The following FHOD3 variants were observed in gnomAD, a reference collection of about 807,000 sequenced individuals.
FHOD3 encodes the protein formin homology 2 domain containing 3, also known as FH1/FH2 domain-containing protein 3.
Under a neutral mutation model 173.0 loss-of-function variants are expected in FHOD3, and 90 were observed. The ratio of observed to expected loss-of-function variants is 0.52; its 90% CI spans 0.44 to 0.62. The LOEUF (loss-of-function observed/expected upper bound fraction) is 0.62, where lower values mean the gene tolerates loss of function less well. FHOD3 is among the 20% of genes least tolerant of loss of function. The pLI is 0.00. For synonymous variants in FHOD3, 828 were observed against 823.0 expected, an observed-to-expected ratio of 1.01 and a Z score of -0.10; for missense variants, 1,945 against 2,034.7, an observed-to-expected ratio of 0.96 and a Z score of 0.85.
intron 28 of FHOD3, among the ~76,000 whole-genome samples, chr18:36,777,471 G>T (rs962649845): frequency 4.6e-5 from 7 of 152,132 alleles, no homozygotes; most frequent in African/African-American, 9.7e-5. Context: ...GGGATTACAG[G>T]TGTGAGCCAC....
At chr18:36,692,537 C>G (rs1275268839) in intron 16 of FHOD3, among the ~76,000 whole-genome samples, 1 of 152,166 alleles carries the variant, frequency 6.6e-6, no homozygotes, top group African/African-American at 2.4e-5. Context: ...TTCTGCCTGC[C>G]TGAAATGCAA....
chr18:36,524,658 A>G (rs1201606329), intron 5 of FHOD3, among the ~76,000 whole-genome samples: 1 of 152,130 alleles, frequency 6.6e-6, no homozygotes, highest in Non-Finnish European at 1.5e-5. Context: ...CCATGTGTGC[A>G]TCCTGCTGGT....
chr18:36,526,274 T>G (rs1568384647), intron 5 of FHOD3, among the ~76,000 whole-genome samples: 1 of 106,062 alleles, frequency 9.4e-6, no homozygotes, highest in Non-Finnish European at 2.1e-5. Context: ...AATCCTGAAA[T>G]CATTCTTTTT....
intron 5 of FHOD3, among the ~76,000 whole-genome samples, chr18:36,530,495 A>G (rs773659244): frequency 3.3e-5 from 5 of 152,190 alleles, no homozygotes; most frequent in African/African-American, 4.8e-5. Flanking sequence ...TGTTGAGAGA[A>G]TGAGTGAGTG....
chr18:36,343,102 C>T (rs2670670), intron 1 of FHOD3, among the ~76,000 whole-genome samples: 49,575 of 152,076 alleles, frequency 0.33, 9,867 homozygotes, highest in Non-Finnish European at 0.46. Flanking sequence ...CTTTGGAAGA[C>T]GGTCTGACAT....
intron 3 of FHOD3, among the ~76,000 whole-genome samples, chr18:36,465,796 T>C (rs1409993770): frequency 6.6e-6 from 1 of 152,126 alleles, no homozygotes; most frequent in East Asian, 1.9e-4. Flanking sequence ...TTTGTACTGC[T>C]TGCCATGAGG....
intron 14 of FHOD3, among the ~76,000 whole-genome samples, chr18:36,673,089 C>G (rs1450904527): frequency 6.6e-6 from 1 of 152,160 alleles, no homozygotes; most frequent in East Asian, 1.9e-4. Context: ...CTGTCATTGA[C>G]AGAAAATCTC....
intron 4 of FHOD3, among the ~76,000 whole-genome samples, chr18:36,509,320 G>T (rs780093340): frequency 1.3e-5 from 2 of 151,646 alleles, no homozygotes; most frequent in African/African-American, 4.9e-5. Context: ...CCAGCTACTC[G>T]GGAGGCTGAG....
intron 25 of FHOD3, 91 bp from the exon 26 acceptor site, chr18:36,759,027 T>G: frequency 2.8e-5 from 38 of 1,372,044 alleles, no homozygotes; most frequent in Non-Finnish European, 3.4e-5. Flanking sequence ...GAATTTTATG[T>G]GACATTGCGA....
intron 3 of FHOD3, among the ~76,000 whole-genome samples, chr18:36,411,680 G>A (rs890020296): frequency 6.6e-5 from 10 of 152,186 alleles, no homozygotes; most frequent in Non-Finnish European, 1.3e-4. Flanking sequence ...GATCCTGTGG[G>A]TTTATCTCCA....
In FHOD3 at chr18:36,764,828, A is replaced by G. The variant is rs538719579; in HGVS notation, c.4624+4046A>G. Among the ~76,000 whole-genome samples, 16 of 152,262 alleles carry G rather than the reference A, an allele frequency of 1.1e-4. No homozygotes were observed. In the South Asian group the frequency reaches 2.7e-3, roughly 26 times the overall value. On this transcript the variant is annotated intron_variant, in intron 27 of 28. Transcript: ENST00000590592. ...GGCAAGCCACCCACCTGCTACAACA[A>G]CTAGAAGTAAAAATAATAAAGCCTT...
intron 8 of FHOD3, among the ~76,000 whole-genome samples, chr18:36,606,305 G>A (rs1382142017): frequency 1.3e-5 from 2 of 152,076 alleles, no homozygotes; most frequent in East Asian, 3.9e-4. Flanking sequence ...AAAGTATCAA[G>A]GTACTGGCAT....
chr18:36,735,289 G>A (rs2041573792), intron 20 of FHOD3, among the ~76,000 whole-genome samples: 1 of 152,162 alleles, frequency 6.6e-6, no homozygotes. Context: ...GTCCACAGGT[G>A]CCCAGCTGCG....
chr18:36,527,695 C>T (rs1310119185), intron 5 of FHOD3, among the ~76,000 whole-genome samples: 2 of 152,090 alleles, frequency 1.3e-5, no homozygotes, highest in Non-Finnish European at 1.5e-5. Flanking sequence ...TGGGGAGGTT[C>T]GTGAACCTGG....
chr18:36,686,207 G>T (rs914431322), intron 15 of FHOD3, among the ~76,000 whole-genome samples: 4 of 151,974 alleles, frequency 2.6e-5, no homozygotes, highest in Admixed American at 1.3e-4. Flanking sequence ...CAACCCAAAT[G>T]CCCATCAATT....
chr18:36,387,044 A>G (rs1025640874), intron 3 of FHOD3, among the ~76,000 whole-genome samples: 3 of 152,194 alleles, frequency 2.0e-5, no homozygotes, highest in African/African-American at 7.2e-5. Flanking sequence ...TCTTTCTTAA[A>G]CAAATGGCTT....
At chr18:36,706,914 C>T (rs193019064) in intron 17 of FHOD3, among the ~76,000 whole-genome samples, 14 of 152,304 alleles carry the variant, frequency 9.2e-5, no homozygotes, top group African/African-American at 2.6e-4. Context: ...CAAATGATGA[C>T]GCTGCCGCTG....
At chr18:36,777,603 T>C (rs1374127666) in intron 28 of FHOD3, 2 of 152,226 alleles carry the variant, frequency 1.3e-5, no homozygotes, top group Non-Finnish European at 2.9e-5. Flanking sequence ...AAAATTATCT[T>C]TCTTTAACAA....
intron 17 of FHOD3, among the ~76,000 whole-genome samples, chr18:36,706,874 T>C (rs934949589): frequency 2.0e-5 from 3 of 146,518 alleles, no homozygotes; most frequent in Non-Finnish European, 3.0e-5. Flanking sequence ...TTGAAGTCCA[T>C]GTGTGCAAAA....
Sources: allele counts gnomAD v4.1 joint callset (sites outside exome capture counted in the v4.1 genomes callset), GRCh38; gene constraint gnomAD v4.1.1; transcripts MANE v1.5; gene names NCBI Gene and HGNC (gene_info 2026-07-23, HGNC 2026-07-21).